The following GTPBP6 variants were observed in gnomAD, a reference collection of about 807,000 sequenced individuals.
GTPBP6 encodes the protein GTP binding protein 6.
In GTPBP6, 33 loss-of-function variants were observed where a neutral mutation model predicts 28.9. The ratio of observed to expected loss-of-function variants is 1.14; its 90% CI spans 0.87 to 1.53. The LOEUF (loss-of-function observed/expected upper bound fraction) is 1.53, where lower values mean the gene tolerates loss of function less well. GTPBP6 is among the 40% of genes most tolerant of loss of function. The pLI is 0.00. For missense variants in GTPBP6, 507 were observed against 408.3 expected, an observed-to-expected ratio of 1.24 and a Z score of -2.08; for synonymous variants, 231 against 192.7, an observed-to-expected ratio of 1.20 and a Z score of -1.65.
rs761941098 is a variant in GTPBP6 at position 305,237 on chromosome X, CGTAA to C, written c.1428-44_1428-41del. ...GCGTTGTATGGAGACAAGCAGAACC[CGTAA>C]GTATTTGCTTAGTTTCATGATAAAT... On this transcript the variant is annotated intron_variant, in intron 9 of 9. Transcript: ENST00000326153. 10 of 1,443,626 alleles carry C rather than the reference CGTAA, an allele frequency of 6.9e-6. No homozygotes were observed. The African/African-American group carries it at 7.0e-5, about 10-fold the overall frequency. 89.4% of individuals were successfully genotyped at this position (1,443,626 alleles called of 1,614,324 possible). A position where few individuals can be genotyped will look rare whatever the true frequency, so the allele number is the denominator to read the frequency against.
At position 317,062 on chromosome X, in the gene GTPBP6, A is replaced by C. The variant is rs1408842850; in HGVS notation, c.350-11T>G. The C allele has an allele frequency of 6.8e-5, 27 of 398,614 alleles. No homozygotes were observed. The highest frequency in any genetic ancestry group is 5.3e-4 in the African/African-American group (26 of 48,754). The allele number at this position is 398,614 out of a possible 1,614,324, so 24.7% of individuals were successfully genotyped here. ...CCACCTGCCACTCGGCTGCGGGGACACAAGGGCCACCGTGAGAGACGCTTC... is the reference window on the plus strand; with the variant it reads ...CCACCTGCCACTCGGCTGCGGGGACCCAAGGGCCACCGTGAGAGACGCTTC... On this transcript the variant is annotated splice_polypyrimidine_tract_variant and intron_variant, in intron 1 of 9. Coordinates refer to ENST00000326153, the Ensembl canonical transcript of GTPBP6.
chrX:318,059 C>T (rs1416683178), intron 1 of GTPBP6, among the ~76,000 whole-genome samples: 3 of 148,874 alleles, frequency 2.0e-5, no homozygotes, highest in African/African-American at 5.0e-5. Context: ...CCCCCTGAAG[C>T]CCCGCCCCTA....
At chrX:311,722 T>C in intron 6 of GTPBP6, 95 bp from the exon 7 acceptor site, 1 of 1,031,204 alleles carries the variant, frequency 9.7e-7, no homozygotes, top group Non-Finnish European at 1.5e-6. Flanking sequence ...CACGGCACCC[T>C]CTGGGGGGCC....
At chrX:311,815 C>T (rs767074049) in intron 6 of GTPBP6, 188 bp from the exon 7 acceptor site, 2 of 621,486 alleles carry the variant, frequency 3.2e-6, no homozygotes, top group East Asian at 2.7e-5. Flanking sequence ...CGTCGCTGTT[C>T]TCGGGCCGAT....
chrX:312,496 C>T (rs183245872), intron 6 of GTPBP6: 1 of 662,846 alleles, frequency 1.5e-6, no homozygotes, highest in Non-Finnish European at 2.8e-6. Context: ...GGTGGTAAAG[C>T]TCTGGATGGG....
At chrX:308,413 C>T (rs1417315747) in intron 7 of GTPBP6, among the ~76,000 whole-genome samples, 1 of 152,132 alleles carries the variant, frequency 6.6e-6, no homozygotes, top group East Asian at 1.9e-4. Flanking sequence ...TTTGGATGCA[C>T]TTAATACAAA....
intron 7 of GTPBP6, among the ~76,000 whole-genome samples, chrX:310,263 C>T (rs1384639384): frequency 1.3e-5 from 2 of 148,730 alleles, no homozygotes; most frequent in Non-Finnish European, 3.0e-5. Flanking sequence ...TGACAGGTGT[C>T]CTTCTAAGAG....
At chrX:305,319 C>CTTTTT (rs368320582) in intron 9 of GTPBP6, 122 bp from the exon 10 acceptor site, 3 of 735,430 alleles carry the variant, frequency 4.1e-6, no homozygotes, top group African/African-American at 4.0e-5. Flanking sequence ...GTCCTGTTTC[C>CTTTTT]TTTTGTTTTT....
exon 6 of GTPBP6, chrX:312,831 A>C: frequency 1.9e-6 from 3 of 1,612,830 alleles, no homozygotes; most frequent in Non-Finnish European, 2.5e-6. Context: ...CCGGCGGAGC[A>C]GGTGCCTCTT....
intron 7 of GTPBP6, among the ~76,000 whole-genome samples, chrX:310,187 C>A (rs1347665453): frequency 3.3e-5 from 5 of 149,910 alleles, no homozygotes; most frequent in Non-Finnish European, 4.4e-5. Flanking sequence ...AGGGTCTCTG[C>A]AGATGTGATT....
At chrX:311,389 G>T in intron 7 of GTPBP6, 30 bp downstream of exon 7, 1 of 1,544,700 alleles carries the variant, frequency 6.5e-7, no homozygotes, top group Non-Finnish European at 8.8e-7. Context: ...GGGTGTCCGA[G>T]CACCCGATCC....
intron 2 of GTPBP6, among the ~76,000 whole-genome samples, chrX:316,495 G>A (rs1221883474): frequency 2.6e-5 from 4 of 152,158 alleles, no homozygotes; most frequent in African/African-American, 9.7e-5. Flanking sequence ...CAACTCTACT[G>A]GAAGCGGGAT....
chrX:313,892 T>C (rs1410267292), intron 5 of GTPBP6, among the ~76,000 whole-genome samples: 1 of 151,240 alleles, frequency 6.6e-6, no homozygotes, highest in East Asian at 1.9e-4. Context: ...AGTTTGTGGC[T>C]ACTGATTTAG....
At chrX:312,990 C>T (rs1222449838) in intron 5 of GTPBP6, 66 bp from the exon 6 acceptor site, 214 of 1,458,364 alleles carry the variant, frequency 1.5e-4, no homozygotes, top group Middle Eastern at 5.0e-4. Context: ...CGGGCGGTGC[C>T]GCGGAGGGTC....
chrX:315,191 G>C (rs2070406969), intron 3 of GTPBP6, 38 bp downstream of exon 3: 1 of 398,674 alleles, frequency 2.5e-6, no homozygotes. Flanking sequence ...ATCGCGTGGA[G>C]TGCGGGGACA....
chrX:305,145 C>G (rs188306881), exon 10 of GTPBP6: 3 of 1,613,590 alleles, frequency 1.9e-6, no homozygotes, highest in Non-Finnish European at 2.5e-6. Flanking sequence ...TCGGCCGCCC[C>G]GTCCTCAGGG....
chrX:312,719 G>T (rs745746408), intron 6 of GTPBP6, 47 bp downstream of exon 6: 1 of 1,042,910 alleles, frequency 9.6e-7, no homozygotes, highest in Non-Finnish European at 1.3e-6. Context: ...AGTCCTCACC[G>T]GTGACACGGA....
At chrX:318,367 C>A (rs1364862483) in intron 1 of GTPBP6, 72 bp downstream of exon 1, 3 of 354,736 alleles carry the variant, frequency 8.5e-6, no homozygotes, top group Non-Finnish European at 1.5e-5. Context: ...CACCTATGAG[C>A]CCCCTCCCCT....
chrX:313,398 C>T (rs773467233), intron 5 of GTPBP6, among the ~76,000 whole-genome samples: 14 of 152,190 alleles, frequency 9.2e-5, no homozygotes, highest in Admixed American at 2.0e-4. Flanking sequence ...ACCGGAGTGA[C>T]GAGGCCACAA....
Sources: allele counts gnomAD v4.1 joint callset (sites outside exome capture counted in the v4.1 genomes callset), GRCh38; gene constraint gnomAD v4.1.1; transcripts MANE v1.5; gene names NCBI Gene and HGNC (gene_info 2026-07-23, HGNC 2026-07-21).